Variants in PRKCQ observed in about 807,000 individuals in gnomAD.
The protein encoded by PRKCQ is protein kinase C theta.
Under a neutral mutation model 91.2 loss-of-function variants are expected in PRKCQ, and 41 were observed. The ratio of observed to expected loss-of-function variants is 0.45; its 90% CI spans 0.35 to 0.58. The LOEUF is 0.58. PRKCQ is among the 20% of genes least tolerant of loss of function. The pLI, the probability that PRKCQ is intolerant of heterozygous loss-of-function variation, is 0.00. For missense variants in PRKCQ, 673 were observed against 896.5 expected, an observed-to-expected ratio of 0.75 and a Z score of 3.18; for synonymous variants, 307 against 316.9, an observed-to-expected ratio of 0.97 and a Z score of 0.33.
rs186359271 is a variant in PRKCQ at position 6,579,911 on chromosome 10, C to T, written c.-10+300G>A. On this transcript the variant is annotated intron_variant, in intron 1 of 17. Coordinates refer to ENST00000263125, the MANE Select transcript of PRKCQ (RefSeq NM_006257.5). ...CCCTCCCCGCAGGCCCCCTTTCGTT[C>T]AGGTGAGAAGGAAAAGGGAGAAGAA... 6.6e-3 allele frequency among the ~76,000 whole-genome samples: 988 copies of T among 149,872 alleles called. 6 individuals are homozygous for T. Among genetic ancestry groups the T allele is most frequent in the Non-Finnish European group, 8.1e-3 (550 of 67,734 alleles).
At chr10:6,562,674 C>G (rs941896777) in intron 1 of PRKCQ, among the ~76,000 whole-genome samples, 1 of 152,210 alleles carries the variant, frequency 6.6e-6, no homozygotes, top group African/African-American at 2.4e-5. Flanking sequence ...GTCCCAAAAT[C>G]AGGCTTTGCT....
intron 11 of PRKCQ, among the ~76,000 whole-genome samples, chr10:6,479,588 C>T (rs760236823): frequency 5.3e-5 from 8 of 151,758 alleles, no homozygotes; most frequent in Non-Finnish European, 1.0e-4. Flanking sequence ...CCCAGTTTTT[C>T]CAGGCCAAAA....
In PRKCQ at chr10:6,428,165, A is replaced by C. The variant is rs761818744; in HGVS notation, c.*42T>G. On this transcript the variant is annotated 3_prime_UTR_variant, in exon 18 of 18. Transcript: ENST00000263125. Reference sequence around the variant, plus strand: ...AGCAGTGTCTCTTGAACCAGTTCCCAGGGAGAAGGCAAATTCTTTCCTGTC... The same window carrying C: ...AGCAGTGTCTCTTGAACCAGTTCCCCGGGAGAAGGCAAATTCTTTCCTGTC... The C allele has an allele frequency of 1.9e-6, 3 of 1,613,114 alleles. No individual in the cohort carries two copies. Among genetic ancestry groups the C allele is most frequent in the Non-Finnish European group, 2.5e-6 (3 of 1,179,500 alleles).
chr10:6,415,405 CATATATAT>C, the PRKCQ span, among the ~76,000 whole-genome samples: 1,068 of 104,498 alleles, frequency 0.01, 8 homozygotes, highest in African/African-American at 0.019. Flanking sequence ...CAAGAAAATA[CATATATAT>C]ATATATATAT....
At chr10:6,518,991 A>G (rs778034688) in intron 1 of PRKCQ, among the ~76,000 whole-genome samples, 2 of 152,240 alleles carry the variant, frequency 1.3e-5, no homozygotes, top group African/African-American at 2.4e-5. Context: ...TTTAACAGAT[A>G]TACACACCTG....
At chr10:6,571,163 C>T (rs940259958) in intron 1 of PRKCQ, among the ~76,000 whole-genome samples, 10 of 151,962 alleles carry the variant, frequency 6.6e-5, no homozygotes, top group African/African-American at 1.5e-4. Context: ...ATTTGCAGAG[C>T]GGCGTGTTTT....
intron 12 of PRKCQ, 104 bp downstream of exon 12, chr10:6,478,888 A>G: frequency 1.5e-6 from 2 of 1,305,246 alleles, no homozygotes; most frequent in Non-Finnish European, 2.1e-6. Context: ...AATGTAAGAT[A>G]AATATGGAGG....
intron 1 of PRKCQ, among the ~76,000 whole-genome samples, chr10:6,570,200 C>A (rs111670420): frequency 6.6e-6 from 1 of 151,742 alleles, no homozygotes; most frequent in African/African-American, 2.4e-5. Flanking sequence ...GAGGAGAGTG[C>A]GGGTGATCAT....
At chr10:6,404,424 CTT>C in the PRKCQ span, among the ~76,000 whole-genome samples, 7,621 of 109,672 alleles carry the variant, frequency 0.069, 318 homozygotes, top group Middle Eastern at 0.2. Flanking sequence ...TCTTTTTTCT[CTT>C]TCTTTCTCTC....
At chr10:6,505,253 T>C (rs1236207471) in intron 4 of PRKCQ, among the ~76,000 whole-genome samples, 2 of 152,220 alleles carry the variant, frequency 1.3e-5, no homozygotes, top group Admixed American at 1.3e-4. Flanking sequence ...AATATCATTG[T>C]TTTTGCCCGA....
intron 1 of PRKCQ, among the ~76,000 whole-genome samples, chr10:6,550,144 TAGG>T (rs1362612767): frequency 6.6e-6 from 1 of 152,220 alleles, no homozygotes; most frequent in African/African-American, 2.4e-5. Context: ...ATACTTCTCA[TAGG>T]TAGAACGGGC....
chr10:6,425,915 G>A (rs1353413311), downstream of PRKCQ, among the ~76,000 whole-genome samples: 2 of 152,182 alleles, frequency 1.3e-5, no homozygotes, highest in Non-Finnish European at 2.9e-5. Flanking sequence ...TCACTTATTT[G>A]TCTCCTGGTA....
intron 15 of PRKCQ, among the ~76,000 whole-genome samples, chr10:6,450,519 C>G (rs1004503184): frequency 2.8e-4 from 42 of 152,306 alleles, no homozygotes; most frequent in African/African-American, 9.4e-4. Context: ...TTAGACAGAT[C>G]AATGAGACAG....
chr10:6,499,063 T>C (rs1390959109), intron 4 of PRKCQ, among the ~76,000 whole-genome samples: 3 of 152,158 alleles, frequency 2.0e-5, no homozygotes, highest in African/African-American at 7.2e-5. Context: ...TGGAGTAGAC[T>C]AGGGGGAGCT....
At chr10:6,536,838 G>A (rs1839602096) in intron 1 of PRKCQ, among the ~76,000 whole-genome samples, 1 of 152,226 alleles carries the variant, frequency 6.6e-6, no homozygotes, top group African/African-American at 2.4e-5. Context: ...ATTAAAAACA[G>A]CCAGAGCATC....
At chr10:6,432,994 T>C (rs1833497584) in intron 16 of PRKCQ, among the ~76,000 whole-genome samples, 1 of 152,176 alleles carries the variant, frequency 6.6e-6, no homozygotes, top group Non-Finnish European at 1.5e-5. Flanking sequence ...TTACCTCCCC[T>C]GACAGGGAGC....
chr10:6,406,023 T>C, the PRKCQ span, among the ~76,000 whole-genome samples: 56 of 152,368 alleles, frequency 3.7e-4, no homozygotes, highest in Admixed American at 7.8e-4. Flanking sequence ...GGAGGACATT[T>C]GGGCCATTTG....
At chr10:6,473,571 A>G (rs536248112) in intron 12 of PRKCQ, among the ~76,000 whole-genome samples, 2 of 152,354 alleles carry the variant, frequency 1.3e-5, no homozygotes, top group South Asian at 4.1e-4. Context: ...CTTATCTGTC[A>G]CTACAGATGG....
chr10:6,483,349 A>G, intron 11 of PRKCQ, 91 bp downstream of exon 11: 1 of 1,502,898 alleles, frequency 6.7e-7, no homozygotes, highest in Non-Finnish European at 9.2e-7. Flanking sequence ...ATGCAATCCT[A>G]GTGGCCCTAT....
Sources: gnomAD v4.1 joint callset for allele counts (sites outside exome capture counted in the v4.1 genomes callset) on GRCh38, gnomAD v4.1.1 for gene constraint, MANE v1.5 for transcripts, NCBI Gene and HGNC (gene_info 2026-07-23, HGNC 2026-07-21) for gene names.